RPS6KA3: variants seen among roughly 807,000 people sequenced by gnomAD.
The protein encoded by RPS6KA3 is ribosomal protein S6 kinase alpha-3.
Under a neutral mutation model 67.2 loss-of-function variants are expected in RPS6KA3, and 4 were observed. The ratio of observed to expected loss-of-function variants is 0.06; its 90% confidence interval spans 0.03 to 0.14. RPS6KA3 has a LOEUF of 0.14. Ranked by LOEUF, RPS6KA3 falls within the 10% of genes least tolerant of loss-of-function variation. RPS6KA3 has a pLI of 1.00. For missense variants in RPS6KA3, 204 were observed against 559.0 expected (o/e 0.36, Z 6.40); for synonymous variants, 182 against 183.7 (o/e 0.99, Z 0.07).
chrX:20,227,536 G>A (rs1277913310), intron 2 of RPS6KA3, among the ~76,000 whole-genome samples: 1 of 111,193 alleles, frequency 9.0e-6, no homozygotes, highest in Non-Finnish European at 1.9e-5. Context: ...ATCTCTAAAA[G>A]CTTTTAGGGT....
rs991805052 is a variant in RPS6KA3, at chrX:20,155,237, C to A, written c.*161G>T. 1.7e-6 allele frequency: 1 copy of A among 586,769 alleles called. No homozygotes were observed. The highest frequency in any genetic ancestry group is 2.9e-6 in the Non-Finnish European group (1 of 345,886). The allele number at this position is 586,769 out of a possible 1,213,427, so 48.4% of individuals were successfully genotyped here. ...CTAACTTGCTAACAATCATTTAAAG[C>A]GAGAAGAGAGGAAAGCAGGAGCAGC... On this transcript the variant is annotated 3_prime_UTR_variant, in exon 22 of 22. Transcript: ENST00000379565.
chrX:20,158,470 C>T (rs2148629224), intron 20 of RPS6KA3, among the ~76,000 whole-genome samples: 1 of 107,430 alleles, frequency 9.3e-6, no homozygotes, highest in South Asian at 4.1e-4. Context: ...TGGGAATTAG[C>T]GTGATGTTGT....
At chrX:20,249,013 A>G (rs1409317410) in intron 1 of RPS6KA3, among the ~76,000 whole-genome samples, 2 of 111,690 alleles carry the variant, frequency 1.8e-5, no homozygotes, top group African/African-American at 6.5e-5. Flanking sequence ...ATTCCTGACA[A>G]TCAGTAATCT....
chrX:20,188,077 G>A, intron 8 of RPS6KA3, 107 bp from the exon 9 acceptor site: 1 of 766,218 alleles, frequency 1.3e-6, no homozygotes. Flanking sequence ...AGTTTTTTTT[G>A]TTTGTTTGTT....
chrX:20,198,732 T>C (rs1487878736), intron 4 of RPS6KA3, among the ~76,000 whole-genome samples: 1 of 112,178 alleles, frequency 8.9e-6, no homozygotes, highest in African/African-American at 3.2e-5. Context: ...TGAGACCTTA[T>C]ATGTATGGAT....
At chrX:20,204,247 A>C (rs1157288267) in intron 3 of RPS6KA3, 144 bp from the exon 4 acceptor site, 4 of 455,490 alleles carry the variant, frequency 8.8e-6, no homozygotes, top group Non-Finnish European at 1.1e-5. Flanking sequence ...TGTATCAATT[A>C]TAAATACTAG....
chrX:20,167,123 C>A (rs1321600063), intron 17 of RPS6KA3, among the ~76,000 whole-genome samples: 1 of 112,044 alleles, frequency 8.9e-6, no homozygotes, highest in East Asian at 2.8e-4. Context: ...CCGTGCCCAG[C>A]CTAGAAATAC....
At chrX:20,211,833 T>C (rs1458061276) in intron 2 of RPS6KA3, among the ~76,000 whole-genome samples, 1 of 112,101 alleles carries the variant, frequency 8.9e-6, no homozygotes, top group Admixed American at 9.4e-5. Flanking sequence ...AATTGGAATC[T>C]AGCAGCCATT....
At chrX:20,179,533 A>G (rs181717189) in intron 10 of RPS6KA3, among the ~76,000 whole-genome samples, 108 of 111,642 alleles carry the variant, frequency 9.7e-4, no homozygotes, top group Non-Finnish European at 1.4e-3. Flanking sequence ...TGGCTGAATC[A>G]CACTGATTAT....
intron 1 of RPS6KA3, among the ~76,000 whole-genome samples, chrX:20,242,538 A>G (rs1470497203): frequency 8.9e-6 from 1 of 111,745 alleles, no homozygotes; most frequent in Non-Finnish European, 1.9e-5. Context: ...TCCGTAATTC[A>G]TTCTTCTATA....
At chrX:20,177,750 G>A (rs759386683) in intron 10 of RPS6KA3, among the ~76,000 whole-genome samples, 2 of 111,695 alleles carry the variant, frequency 1.8e-5, no homozygotes, top group Non-Finnish European at 3.8e-5. Context: ...CCTCCTCAAA[G>A]GGAATTTAAG....
intron 2 of RPS6KA3, among the ~76,000 whole-genome samples, chrX:20,227,185 T>C (rs1443036774): frequency 9.0e-6 from 1 of 111,518 alleles, no homozygotes; most frequent in Non-Finnish European, 1.9e-5. Context: ...CTTGAAATTA[T>C]CTGTCTTCTT....
chrX:20,248,976 C>T (rs2069783497), intron 1 of RPS6KA3, among the ~76,000 whole-genome samples: 1 of 111,712 alleles, frequency 9.0e-6, no homozygotes, highest in Admixed American at 9.5e-5. Flanking sequence ...GGCCCCTTTA[C>T]GACCACACTT....
intron 2 of RPS6KA3, among the ~76,000 whole-genome samples, chrX:20,221,605 G>A (rs1183183698): frequency 8.9e-6 from 1 of 111,930 alleles, no homozygotes; most frequent in Non-Finnish European, 1.9e-5. Context: ...TGCCAGTGCA[G>A]TGAGAAAACG....
intron 1 of RPS6KA3, among the ~76,000 whole-genome samples, chrX:20,264,637 T>A (rs183570579): frequency 1.8e-5 from 2 of 111,663 alleles, no homozygotes; most frequent in African/African-American, 6.6e-5. Flanking sequence ...TGGCATACAG[T>A]TGGTGCTAAA....
At chrX:20,212,778 A>T (rs962382241) in intron 2 of RPS6KA3, among the ~76,000 whole-genome samples, 3 of 111,215 alleles carry the variant, frequency 2.7e-5, no homozygotes, top group African/African-American at 9.8e-5. Flanking sequence ...TGGTCCCTTC[A>T]GTATAACAAC....
intron 1 of RPS6KA3, among the ~76,000 whole-genome samples, chrX:20,249,230 T>C (rs927327003): frequency 6.2e-5 from 7 of 112,217 alleles, no homozygotes; most frequent in African/African-American, 2.3e-4. Flanking sequence ...CAAGGACATT[T>C]GGTTTCTAAT....
intron 7 of RPS6KA3, among the ~76,000 whole-genome samples, chrX:20,193,231 T>C (rs992719946): frequency 1.8e-5 from 2 of 111,149 alleles, no homozygotes; most frequent in African/African-American, 3.3e-5. Flanking sequence ...TGAGCTGAGA[T>C]TGCGCCACTG....
intron 13 of RPS6KA3, 151 bp from the exon 14 acceptor site, chrX:20,175,439 C>T: frequency 1.8e-6 from 1 of 557,178 alleles, no homozygotes; most frequent in Non-Finnish European, 3.0e-6. Context: ...CTGTGAGGCA[C>T]TGTATCAGAT....
Sources: gnomAD v4.1 joint callset for allele counts (sites outside exome capture counted in the v4.1 genomes callset) on GRCh38, gnomAD v4.1.1 for gene constraint, MANE v1.5 for transcripts, NCBI Gene and HGNC (gene_info 2026-07-23, HGNC 2026-07-21) for gene names.